Variants in DNAH12 observed in about 807,000 individuals in gnomAD.
DNAH12 encodes dynein axonemal heavy chain 12.
Under a neutral mutation model 371.5 loss-of-function variants are expected in DNAH12, and 285 were observed. The observed-to-expected ratio is 0.77, with a 90% CI of 0.70 to 0.85. DNAH12 has a LOEUF of 0.85. Among genes scored for constraint, DNAH12 ranks in the 40% least tolerant of loss-of-function variants. The pLI is 0.00. For missense variants in DNAH12, 3,611 were observed against 3,689.4 expected, an observed-to-expected ratio of 0.98 and a Z score of 0.55; for synonymous variants, 1,200 against 1,213.0, an observed-to-expected ratio of 0.99 and a Z score of 0.22.
intron 65 of DNAH12, among the ~76,000 whole-genome samples, chr3:57,320,657 G>C (rs1479419108): frequency 6.6e-6 from 1 of 152,166 alleles, no homozygotes; most frequent in Non-Finnish European, 1.5e-5. Flanking sequence ...GGTTTTCAAA[G>C]TGTGATTCCA....
At chr3:57,296,575 G>A (rs533939635) in intron 71 of DNAH12, 140 bp from the exon 72 acceptor site, 13 of 774,110 alleles carry the variant, frequency 1.7e-5, no homozygotes, top group East Asian at 5.4e-5. Flanking sequence ...TTTTTCAGCC[G>A]TAGTTTGTAA....
chr3:57,319,813 G>A (rs2061765544), intron 65 of DNAH12, among the ~76,000 whole-genome samples: 1 of 150,712 alleles, frequency 6.6e-6, no homozygotes, highest in Admixed American at 6.6e-5. Context: ...TTGAACTCCT[G>A]ACCTCAAGTG....
chr3:57,521,336 G>C (rs1269633646), intron 4 of DNAH12, among the ~76,000 whole-genome samples: 1 of 151,762 alleles, frequency 6.6e-6, no homozygotes, highest in Non-Finnish European at 1.5e-5. Context: ...TCATTGAAAA[G>C]ACTATTCTTC....
At chr3:57,337,911 GC>G (rs2153310648) in intron 60 of DNAH12, among the ~76,000 whole-genome samples, 1 of 152,294 alleles carries the variant, frequency 6.6e-6, no homozygotes, top group East Asian at 1.9e-4. Flanking sequence ...CATAGTACTT[GC>G]AGAATACACA....
intron 5 of DNAH12, among the ~76,000 whole-genome samples, 158 bp downstream of exon 5, chr3:57,510,632 T>A (rs2067955461): frequency 6.6e-6 from 1 of 151,884 alleles, no homozygotes; most frequent in East Asian, 1.9e-4. Flanking sequence ...AGAGATCATG[T>A]CTCGAAGAAA....
chr3:57,492,934 G>A (rs1391669080), intron 11 of DNAH12, among the ~76,000 whole-genome samples: 1 of 152,058 alleles, frequency 6.6e-6, no homozygotes, highest in Non-Finnish European at 1.5e-5. Flanking sequence ...GGGCCCAGGA[G>A]GTGGAGCTTG....
chr3:57,337,433 G>A (rs1262325307), intron 60 of DNAH12, among the ~76,000 whole-genome samples: 3 of 152,194 alleles, frequency 2.0e-5, no homozygotes, highest in African/African-American at 7.2e-5. Context: ...GCCAAGGAGG[G>A]CAGATCACCT....
intron 44 of DNAH12, among the ~76,000 whole-genome samples, chr3:57,393,455 G>A (rs1330053684): frequency 2.6e-5 from 4 of 151,720 alleles, no homozygotes; most frequent in African/African-American, 4.8e-5. Context: ...GTGAAACCTC[G>A]TCTCTACTGA....
At position 57,391,414 on chromosome 3, in the gene DNAH12, T is replaced by C. The variant is rs997811467; in HGVS notation, c.7305+458A>G. ...ATCCTGAGCCTGCCGGCCTTCAGACTGGAACTACATCACTGGTTTTCCTGG... is the reference window on the plus strand; with the variant it reads ...ATCCTGAGCCTGCCGGCCTTCAGACCGGAACTACATCACTGGTTTTCCTGG... On this transcript the variant is annotated intron_variant, in intron 45 of 73. Transcript: ENST00000495027. Among the ~76,000 whole-genome samples the C allele has an allele frequency of 3.5e-4, 53 of 152,328 alleles. No homozygotes were observed. The Middle Eastern group carries it at 0.01, about 29-fold the overall frequency.
At chr3:57,374,674 TAAACAG>T (rs1293763602) in intron 55 of DNAH12, among the ~76,000 whole-genome samples, 2 of 151,980 alleles carry the variant, frequency 1.3e-5, no homozygotes, top group Non-Finnish European at 2.9e-5. Flanking sequence ...GGAGAATACA[TAAACAG>T]TGATATATTC....
chr3:57,394,670 G>A (rs1372961777), intron 43 of DNAH12, among the ~76,000 whole-genome samples: 2 of 152,242 alleles, frequency 1.3e-5, no homozygotes, highest in Admixed American at 6.5e-5. Context: ...ATAAAGGCCA[G>A]TAACCTAAAT....
intron 60 of DNAH12, among the ~76,000 whole-genome samples, chr3:57,351,036 C>T (rs111702381): frequency 1.3e-5 from 2 of 150,490 alleles, no homozygotes; most frequent in Admixed American, 1.3e-4. Context: ...TTTGGGAGGT[C>T]GAGGCAGGCA....
Position 57,328,339 on chromosome 3 carries a change from G to T in DNAH12, c.9979-4720C>A, listed in dbSNP as rs1575458583. Among the ~76,000 whole-genome samples, 5 of 150,222 alleles carry T rather than the reference G, an allele frequency of 3.3e-5. No individual in the cohort carries two copies. The South Asian group carries it at 1.1e-3, about 32-fold the overall frequency. ...AAATACTGGCAAACTGAATCCAGCAGCACATCAAAAAGCTTATCCACCATG... is the reference window on the plus strand; with the variant it reads ...AAATACTGGCAAACTGAATCCAGCATCACATCAAAAAGCTTATCCACCATG... On this transcript the variant is annotated intron_variant, in intron 62 of 73. Coordinates refer to ENST00000495027, the MANE Select transcript of DNAH12 (RefSeq NM_001366028.2).
chr3:57,302,956 T>C (rs2061392653), intron 69 of DNAH12, among the ~76,000 whole-genome samples: 1 of 152,024 alleles, frequency 6.6e-6, no homozygotes, highest in Non-Finnish European at 1.5e-5. Context: ...CTAAGAAGAA[T>C]AGTTAACAGA....
chr3:57,323,697 AAAG>A, intron 62 of DNAH12, 78 bp from the exon 63 acceptor site: 1 of 1,374,438 alleles, frequency 7.3e-7, no homozygotes, highest in African/African-American at 1.5e-5. Flanking sequence ...GAAAAACAAC[AAAG>A]AATACAATTT....
At chr3:57,408,759 T>TC (rs2064117329) in intron 39 of DNAH12, among the ~76,000 whole-genome samples, 1 of 151,754 alleles carries the variant, frequency 6.6e-6, no homozygotes, top group Admixed American at 6.6e-5. Flanking sequence ...GAATGACCCT[T>TC]CCCTCTTACT....
intron 35 of DNAH12, 100 bp from the exon 36 acceptor site, chr3:57,421,806 A>T: frequency 7.5e-7 from 1 of 1,326,972 alleles, no homozygotes. Context: ...TGCTCAACTT[A>T]CTTGAACAAG....
intron 12 of DNAH12, among the ~76,000 whole-genome samples, chr3:57,485,715 A>G (rs1319937088): frequency 6.6e-6 from 1 of 152,158 alleles, no homozygotes; most frequent in African/African-American, 2.4e-5. Context: ...CATTATTCTA[A>G]GTGAAGTAAC....
At chr3:57,399,399 A>G (rs2063810431) in intron 43 of DNAH12, among the ~76,000 whole-genome samples, 1 of 152,206 alleles carries the variant, frequency 6.6e-6, no homozygotes, top group Admixed American at 6.5e-5. Context: ...TGGATTAAAA[A>G]AAAGATCCAT....
Sources: gnomAD v4.1 joint callset for allele counts (sites outside exome capture counted in the v4.1 genomes callset) on GRCh38, gnomAD v4.1.1 for gene constraint, MANE v1.5 for transcripts, NCBI Gene and HGNC (gene_info 2026-07-23, HGNC 2026-07-21) for gene names.